KCNIP4: variants seen among roughly 807,000 people sequenced by gnomAD.
KCNIP4 encodes the protein potassium voltage-gated channel interacting protein 4, also known as Kv channel-interacting protein 4.
Under a neutral mutation model 34.0 loss-of-function variants are expected in KCNIP4, and 12 were observed. The observed-to-expected ratio is 0.35, with a 90% CI of 0.23 to 0.57. The LOEUF is 0.57. KCNIP4 is among the 20% of genes least tolerant of loss of function. KCNIP4 has a pLI of 0.83. For synonymous variants in KCNIP4, 124 were observed against 102.2 expected (o/e 1.21, Z -1.29); for missense variants, 238 against 311.7 (o/e 0.76, Z 1.78).
At chr4:20,890,312 C>T (rs1487862627) in intron 1 of KCNIP4, among the ~76,000 whole-genome samples, 1 of 151,948 alleles carries the variant, frequency 6.6e-6, no homozygotes, top group Non-Finnish European at 1.5e-5. Flanking sequence ...AGGGATGGGG[C>T]CTAGAGACTT....
At chr4:21,431,823 A>T (rs2109667955) in intron 1 of KCNIP4, among the ~76,000 whole-genome samples, 1 of 151,690 alleles carries the variant, frequency 6.6e-6, no homozygotes, top group African/African-American at 2.4e-5. Context: ...CCCATTTCTA[A>T]TGAGAAACAC....
intron 1 of KCNIP4, among the ~76,000 whole-genome samples, chr4:20,948,288 A>C (rs1254534946): frequency 6.6e-6 from 1 of 152,250 alleles, no homozygotes; most frequent in Non-Finnish European, 1.5e-5. Flanking sequence ...GCAGCAAAGC[A>C]AAATTTAATA....
intron 1 of KCNIP4, among the ~76,000 whole-genome samples, chr4:21,067,405 G>C (rs1293028368): frequency 6.6e-6 from 1 of 152,074 alleles, no homozygotes; most frequent in African/African-American, 2.4e-5. Context: ...TTGTCTTGCA[G>C]CTTAGGTATC....
At chr4:21,763,555 C>A (rs1374488083) in intron 1 of KCNIP4, among the ~76,000 whole-genome samples, 2 of 152,098 alleles carry the variant, frequency 1.3e-5, no homozygotes, top group East Asian at 3.9e-4. Flanking sequence ...AGAGTGTCTT[C>A]TGAGAGCCAG....
chr4:20,936,253 A>G (rs1423373556), intron 1 of KCNIP4, among the ~76,000 whole-genome samples: 5 of 152,196 alleles, frequency 3.3e-5, no homozygotes, highest in Admixed American at 3.3e-4. Context: ...AGCCTATAAC[A>G]GGATTAAAGA....
intron 1 of KCNIP4, chr4:21,845,152 T>C (rs1723934398): frequency 6.6e-6 from 1 of 152,014 alleles, no homozygotes; most frequent in Non-Finnish European, 1.5e-5. Flanking sequence ...TACCTCCCAA[T>C]ACCATTGCTC....
intron 1 of KCNIP4, among the ~76,000 whole-genome samples, chr4:21,700,945 CT>C (rs984843612): frequency 2.0e-5 from 3 of 152,144 alleles, no homozygotes; most frequent in Admixed American, 6.6e-5. Context: ...AAAAAGATAT[CT>C]GCATTTCCAT....
At chr4:21,406,959 A>C (rs752523890) in intron 1 of KCNIP4, among the ~76,000 whole-genome samples, 3 of 152,186 alleles carry the variant, frequency 2.0e-5, no homozygotes, top group Non-Finnish European at 4.4e-5. Flanking sequence ...ATATCATAGA[A>C]CAAAAACTTT....
At chr4:21,691,691 C>CTTTTTTTTTTT (rs36004947) in intron 1 of KCNIP4, among the ~76,000 whole-genome samples, 4 of 103,144 alleles carry the variant, frequency 3.9e-5, no homozygotes, top group Admixed American at 1.3e-4. Flanking sequence ...AAACGCAGCT[C>CTTTTTTTTTTT]TTTTTTTTTT....
At chr4:21,896,826 G>A (rs777196404) in intron 1 of KCNIP4, among the ~76,000 whole-genome samples, 10 of 151,996 alleles carry the variant, frequency 6.6e-5, no homozygotes, top group Non-Finnish European at 1.3e-4. Flanking sequence ...GGCTGAGGCA[G>A]GAAAATTGCT....
chr4:21,032,130 C>T (rs1741079322), intron 1 of KCNIP4, among the ~76,000 whole-genome samples: 2 of 152,142 alleles, frequency 1.3e-5, no homozygotes, highest in Admixed American at 6.5e-5. Flanking sequence ...CTCTGTGTAA[C>T]TGTCCTCCTG....
rs376602325 is a variant in KCNIP4, at chr4:21,625,065, C to G, written c.61+323506G>C. ...TATGAAGCACAGCAAACCAACAGTG[C>G]TTTTCAGGGACAAACTGAATATTTA... On this transcript the variant is annotated intron_variant, in intron 1 of 8. Coordinates refer to ENST00000382152, the MANE Select transcript of KCNIP4 (RefSeq NM_025221.6). Among the ~76,000 whole-genome samples the G allele has an allele frequency of 1.7e-3, 263 of 152,076 alleles. 10 individuals carry two copies. The South Asian group carries it at 0.048, about 28-fold the overall frequency.
intron 1 of KCNIP4, among the ~76,000 whole-genome samples, chr4:21,098,562 A>T (rs1462150825): frequency 2.6e-5 from 4 of 152,202 alleles, no homozygotes; most frequent in African/African-American, 9.6e-5. Flanking sequence ...CAAAGCCTGA[A>T]TAACAGTACA....
At chr4:21,240,714 C>T (rs1577946516) in intron 1 of KCNIP4, among the ~76,000 whole-genome samples, 1 of 152,160 alleles carries the variant, frequency 6.6e-6, no homozygotes, top group Non-Finnish European at 1.5e-5. Context: ...AACTGGAGAA[C>T]ATGGAAAAAT....
intron 1 of KCNIP4, among the ~76,000 whole-genome samples, chr4:21,709,110 C>G (rs550229700): frequency 4.6e-5 from 7 of 151,998 alleles, no homozygotes; most frequent in African/African-American, 1.7e-4. Flanking sequence ...CTGTCTCATT[C>G]TGTTGTGAGG....
intron 1 of KCNIP4, among the ~76,000 whole-genome samples, chr4:20,952,582 GC>G (rs1205677795): frequency 2.0e-5 from 3 of 152,028 alleles, no homozygotes; most frequent in African/African-American, 7.2e-5. Flanking sequence ...GAGACTGATT[GC>G]TCATTATAAA....
At chr4:21,715,422 G>T (rs544656067) in intron 1 of KCNIP4, among the ~76,000 whole-genome samples, 4 of 151,870 alleles carry the variant, frequency 2.6e-5, no homozygotes, top group Non-Finnish European at 5.9e-5. Context: ...GAGCCACCGC[G>T]CCCAGCCTGA....
At chr4:20,840,376 A>G (rs1578746602) in intron 3 of KCNIP4, among the ~76,000 whole-genome samples, 1 of 152,174 alleles carries the variant, frequency 6.6e-6, no homozygotes, top group Non-Finnish European at 1.5e-5. Flanking sequence ...AACCCCTAAC[A>G]TATCTATCTT....
chr4:20,793,517 T>A (rs1264341676), intron 3 of KCNIP4, among the ~76,000 whole-genome samples: 1 of 152,088 alleles, frequency 6.6e-6, no homozygotes, highest in Non-Finnish European at 1.5e-5. Context: ...ATGTAAAAAC[T>A]TTCAAGGTGT....
Sources: allele counts gnomAD v4.1 joint callset (sites outside exome capture counted in the v4.1 genomes callset), GRCh38; gene constraint gnomAD v4.1.1; transcripts MANE v1.5; gene names NCBI Gene and HGNC (gene_info 2026-07-23, HGNC 2026-07-21).